SPON2: variants seen among roughly 807,000 people sequenced by gnomAD.
The protein encoded by SPON2 is spondin-2.
In SPON2, 32 loss-of-function variants were observed where a neutral mutation model predicts 29.9. That is an observed-to-expected ratio of 1.07 (90% CI 0.81 to 1.44). The LOEUF (loss-of-function observed/expected upper bound fraction) is 1.44. Among genes scored for constraint, SPON2 ranks in the 40% most tolerant of loss-of-function variants. The pLI is 0.00. For synonymous variants in SPON2, 248 were observed against 209.1 expected (o/e 1.19, Z -1.61); for missense variants, 541 against 455.5 (o/e 1.19, Z -1.71).
chr4:1,200,921 G>A (rs756034527), intron 1 of SPON2: 34 of 456,620 alleles, frequency 7.4e-5, no homozygotes, highest in South Asian at 5.1e-4. Flanking sequence ...TGCCCTGGAT[G>A]TGGGCACCCC....
At chr4:1,171,578 C>T in intron 2 of SPON2, 92 bp from the exon 3 acceptor site, 1 of 1,304,498 alleles carries the variant, frequency 7.7e-7, no homozygotes. Context: ...CCCTCCCCGC[C>T]GCCCGCAGGG....
intron 1 of SPON2, among the ~76,000 whole-genome samples, chr4:1,192,799 C>T (rs186740708): frequency 1.6e-3 from 247 of 152,302 alleles, no homozygotes; most frequent in African/African-American, 5.6e-3. Context: ...ATGCCACCGG[C>T]CAAGGAGAGG....
intron 1 of SPON2, among the ~76,000 whole-genome samples, chr4:1,186,550 C>T (rs1364728672): frequency 1.3e-5 from 2 of 152,138 alleles, no homozygotes; most frequent in Non-Finnish European, 2.9e-5. Context: ...GTGATCCACC[C>T]ACCTCGGCCT....
At chr4:1,192,784 G>A (rs898209532) in intron 1 of SPON2, among the ~76,000 whole-genome samples, 2 of 152,188 alleles carry the variant, frequency 1.3e-5, no homozygotes, top group Non-Finnish European at 2.9e-5. Context: ...ATACACCCCA[G>A]GGAGATGCCA....
At position 1,171,053 on chromosome 4, in the gene SPON2, G is replaced by A; in HGVS notation, c.582C>T (p.Gly194=). Residue 194 remains glycine (G), a synonymous_variant, in exon 4 of 6, where the codon GGC becomes GGT. Transcript: ENST00000290902. ...LYPYDAGTDS[G]FTFSSPNFAT... The stretch of plus-strand genomic sequence containing the variant: ...CGAAGTTGGGGGAGGAGAAGGTGAA[G>A]CCGCTGTCCGTCCCGGCGTCGTAGG... 6.5e-7 allele frequency: 1 copy of A among 1,549,064 alleles called. No homozygotes were observed. Among genetic ancestry groups the A allele is most frequent in the Non-Finnish European group, 8.7e-7 (1 of 1,146,200 alleles).
chr4:1,172,510 C>T (rs1727491605), intron 1 of SPON2, 34 bp downstream of exon 1: 3 of 200,476 alleles, frequency 1.5e-5, no homozygotes, highest in Admixed American at 5.5e-5. Flanking sequence ...GGCCCGGGCC[C>T]TCTCTGGGTG....
In SPON2 at chr4:1,170,482, A is replaced by G. The variant is rs1727389670; in HGVS notation, c.731T>C (p.Leu244Pro). Residue 244 changes from leucine to proline, a missense_variant, in exon 5 of 6, where the codon CTG (leucine) becomes CCG (proline). Leu to Pro is a moderately conservative substitution (Grantham distance 98). Transcript: ENST00000290902. ...GATGAAGGCCCTGGGGCTCTGTCGC[A>G]GCCGCACCAGTGTCACCCTGGCGAT... ...PPIARVTLVR[L>P]RQSPRAFIPP... is the part of the protein sequence containing the mutation. 1 of 1,614,048 alleles carries G rather than the reference A, an allele frequency of 6.2e-7. No individual in the cohort carries two copies. Among genetic ancestry groups the G allele is most frequent in the Non-Finnish European group, 8.5e-7 (1 of 1,179,968 alleles).
chr4:1,171,650 C>T, intron 2 of SPON2, 164 bp from the exon 3 acceptor site: 2 of 822,882 alleles, frequency 2.4e-6, no homozygotes, highest in Non-Finnish European at 3.8e-6. Context: ...CGCGACCCAC[C>T]TGCGCCCTCC....
chr4:1,186,157 TGGTG>T (rs1727799066), intron 1 of SPON2, among the ~76,000 whole-genome samples: 1 of 145,958 alleles, frequency 6.9e-6, no homozygotes, highest in South Asian at 2.2e-4. Context: ...GGCAGGAGAA[TGGTG>T]TGAACCTGGG....
At chr4:1,206,864 GAGC>G (rs1205341782) in intron 1 of SPON2, among the ~76,000 whole-genome samples, 4 of 151,908 alleles carry the variant, frequency 2.6e-5, no homozygotes, top group African/African-American at 9.7e-5. Context: ...AGACAGGTGT[GAGC>G]AGGTGTGAGC....
Position 1,171,554 on chromosome 4 carries a change from G to C in SPON2, c.221-68C>G, listed in dbSNP as rs1727450844. On this transcript the variant is annotated intron_variant, in intron 2 of 5. Transcript: ENST00000290902. ...TGCGGTCGGGCTTGGATTCCAGGGGGCGCCCCAGGAAATCCCTCCCCGCCG... is the reference window on the plus strand; with the variant it reads ...TGCGGTCGGGCTTGGATTCCAGGGGCCGCCCCAGGAAATCCCTCCCCGCCG... 2.7e-6 allele frequency: 4 copies of C among 1,494,562 alleles called. No homozygotes were observed. The South Asian group carries it at 4.7e-5, about 18-fold the overall frequency. The allele number at this position is 1,494,562 out of a possible 1,614,324, so 92.6% of individuals were successfully genotyped here.
At chr4:1,177,231 C>A (rs1727621560), upstream of SPON2, among the ~76,000 whole-genome samples, 1 of 152,228 alleles carries the variant, frequency 6.6e-6, no homozygotes, top group Non-Finnish European at 1.5e-5. Flanking sequence ...CACCTGGCTG[C>A]CCTGCCACGG....
upstream of SPON2, chr4:1,197,205 T>G (rs1057486316): frequency 6.6e-6 from 1 of 152,214 alleles, no homozygotes; most frequent in African/African-American, 2.4e-5. Flanking sequence ...GAAACAGCGC[T>G]TCCGAAGATT....
chr4:1,175,962 C>T (rs57759896), upstream of SPON2, among the ~76,000 whole-genome samples: 50 of 152,242 alleles, frequency 3.3e-4, 1 homozygote, highest in East Asian at 6.2e-3. Flanking sequence ...TCCAAAAGCA[C>T]GCCTGCGAAG....
chr4:1,190,529 A>G (rs374323503), intron 1 of SPON2, among the ~76,000 whole-genome samples: 30 of 152,370 alleles, frequency 2.0e-4, no homozygotes, highest in Admixed American at 1.3e-3. Context: ...GCTGCAAAAA[A>G]TGTTCAACAA....
intron 1 of SPON2, among the ~76,000 whole-genome samples, chr4:1,189,879 C>G (rs1039117567): frequency 1.2e-4 from 18 of 151,150 alleles, no homozygotes; most frequent in Non-Finnish European, 5.9e-5. Context: ...GTCCCAGCTA[C>G]CCACGAGGCT....
At chr4:1,178,515 C>T (rs1452943684) in intron 2 of SPON2, among the ~76,000 whole-genome samples, 1 of 152,112 alleles carries the variant, frequency 6.6e-6, no homozygotes, top group Non-Finnish European at 1.5e-5. Context: ...TCCTCCCTGG[C>T]CAAGACACCC....
At chr4:1,176,708 A>C (rs1041495893), upstream of SPON2, among the ~76,000 whole-genome samples, 4 of 151,400 alleles carry the variant, frequency 2.6e-5, no homozygotes, top group African/African-American at 4.9e-5. Context: ...CATTCATGCA[A>C]TCATCCACAC....
chr4:1,195,845 G>A (rs1465593619), upstream of SPON2, among the ~76,000 whole-genome samples: 1 of 152,180 alleles, frequency 6.6e-6, no homozygotes, highest in Non-Finnish European at 1.5e-5. Flanking sequence ...GTGTTGCACA[G>A]GCTGGTTTCG....
Sources: gnomAD v4.1 joint callset for allele counts (sites outside exome capture counted in the v4.1 genomes callset) on GRCh38, gnomAD v4.1.1 for gene constraint, MANE v1.5 for transcripts, NCBI Gene and HGNC (gene_info 2026-07-23, HGNC 2026-07-21) for gene names.